The following DTNA variants were observed in gnomAD, a reference collection of about 807,000 sequenced individuals.
DTNA encodes dystrobrevin alpha, also known as dystrophin-related protein 3.
DTNA carries 43 observed loss-of-function variants against 100.7 expected under a neutral mutation model. The observed-to-expected ratio is 0.43, with a 90% CI of 0.33 to 0.55. The LOEUF (loss-of-function observed/expected upper bound fraction) is 0.55, where lower values mean the gene tolerates loss of function less well. Among genes scored for constraint, DTNA ranks in the 20% least tolerant of loss-of-function variants. DTNA has a pLI of 0.04. For missense variants in DTNA, 798 were observed against 953.9 expected (o/e 0.84, Z 2.15); for synonymous variants, 349 against 347.9 (o/e 1.00, Z -0.04).
In DTNA at chr18:34,696,285, GA is replaced by G. The variant is rs201824132; in HGVS notation, c.-1-59684del. Among the ~76,000 whole-genome samples, 11 of 152,076 alleles carry G rather than the reference GA, an allele frequency of 7.2e-5. No homozygotes were observed. The East Asian group carries it at 2.1e-3, about 29-fold the overall frequency. On this transcript the variant is annotated intron_variant, in intron 1 of 19. Transcript: ENST00000283365. ...CAAAATTAGCGTGAGTTTTTAAGGG[GA>G]AAAAAAGATAGGCCGGGCATGGTGG...
chr18:34,672,230 G>GT (rs1568181240), intron 1 of DTNA, among the ~76,000 whole-genome samples: 1 of 151,816 alleles, frequency 6.6e-6, no homozygotes, highest in Non-Finnish European at 1.5e-5. Context: ...TCTATACTTA[G>GT]TTTTAGTTTC....
intron 1 of DTNA, among the ~76,000 whole-genome samples, chr18:34,518,954 A>G (rs768299141): frequency 6.6e-6 from 1 of 152,110 alleles, no homozygotes; most frequent in African/African-American, 2.4e-5. Context: ...AGCCATTGCA[A>G]TAGCTTAATG....
chr18:34,890,598 A>C lies in DTNA; in HGVS notation c.*2864A>C. 9.1e-7 allele frequency: 1 copy of C among 1,099,550 alleles called. No homozygotes were observed. The highest frequency in any genetic ancestry group is 1.3e-6 in the Non-Finnish European group (1 of 791,514). The allele number at this position is 1,099,550 out of a possible 1,614,324, so 68.1% of individuals were successfully genotyped here. Reference sequence around the variant, plus strand: ...GGTCTAACACAGCCAACCCTCCTCCACAGCGCCATATTAATGGAGGAGGGG... The same window carrying C: ...GGTCTAACACAGCCAACCCTCCTCCCCAGCGCCATATTAATGGAGGAGGGG... On this transcript the variant is annotated 3_prime_UTR_variant, in exon 23 of 23. Coordinates refer to ENST00000444659, the MANE Select transcript of DTNA (RefSeq NM_001386795.1).
At chr18:34,669,025 G>A (rs564928061) in intron 1 of DTNA, among the ~76,000 whole-genome samples, 1 of 152,228 alleles carries the variant, frequency 6.6e-6, no homozygotes, top group African/African-American at 2.4e-5. Context: ...TGACAGTGGG[G>A]TATGAAAGTC....
chr18:34,521,789 A>G (rs889463919), intron 1 of DTNA, among the ~76,000 whole-genome samples: 2 of 152,170 alleles, frequency 1.3e-5, no homozygotes, highest in African/African-American at 4.8e-5. Context: ...TCTGCCTAGT[A>G]GAGCACCCTG....
At chr18:34,732,911 A>T (rs2088648519) in intron 1 of DTNA, among the ~76,000 whole-genome samples, 1 of 152,138 alleles carries the variant, frequency 6.6e-6, no homozygotes, top group African/African-American at 2.4e-5. Flanking sequence ...TGACCACAGG[A>T]TGAGTCCGGG....
intron 1 of DTNA, among the ~76,000 whole-genome samples, chr18:34,604,731 A>C (rs1157101577): frequency 1.3e-5 from 2 of 152,188 alleles, no homozygotes; most frequent in Non-Finnish European, 2.9e-5. Context: ...TTTAAAAAGG[A>C]CATGAGGGAA....
intron 3 of DTNA, among the ~76,000 whole-genome samples, chr18:34,785,132 C>T (rs2148877098): frequency 6.6e-6 from 1 of 152,118 alleles, no homozygotes; most frequent in East Asian, 1.9e-4. Flanking sequence ...CCAGGATGGT[C>T]TCAATCTCCT....
intron 9 of DTNA, chr18:34,821,333 C>A: frequency 2.4e-6 from 1 of 411,514 alleles, no homozygotes; most frequent in South Asian, 1.8e-5. Context: ...GTTTAAGATG[C>A]CAGCAAACCT....
intron 1 of DTNA, among the ~76,000 whole-genome samples, chr18:34,528,416 G>A (rs543187715): frequency 6.6e-4 from 101 of 152,090 alleles, no homozygotes; most frequent in African/African-American, 2.4e-3. Flanking sequence ...AACAAAACAT[G>A]GGAATTTCAG....
intron 11 of DTNA, among the ~76,000 whole-genome samples, chr18:34,833,510 C>T (rs1445789412): frequency 6.6e-6 from 1 of 151,682 alleles, no homozygotes; most frequent in Admixed American, 6.6e-5. Flanking sequence ...TGGTGAGAAG[C>T]CAGAGGATTT....
intron 1 of DTNA, among the ~76,000 whole-genome samples, chr18:34,572,928 T>C (rs1302663676): frequency 6.6e-6 from 1 of 152,202 alleles, no homozygotes; most frequent in Non-Finnish European, 1.5e-5. Context: ...CTTTCACTTA[T>C]TAATCCTGAG....
intron 1 of DTNA, among the ~76,000 whole-genome samples, chr18:34,600,326 G>T (rs1051626174): frequency 6.6e-6 from 1 of 152,166 alleles, no homozygotes; most frequent in African/African-American, 2.4e-5. Flanking sequence ...AGATGACTCA[G>T]ACACTCTGAA....
At chr18:34,632,916 C>T (rs1324068478) in intron 1 of DTNA, among the ~76,000 whole-genome samples, 1 of 152,026 alleles carries the variant, frequency 6.6e-6, no homozygotes, top group Non-Finnish European at 1.5e-5. Context: ...ACCAGATTAT[C>T]ATTCATTTTT....
intron 1 of DTNA, among the ~76,000 whole-genome samples, chr18:34,506,065 C>A (rs1427981538): frequency 6.6e-6 from 1 of 152,208 alleles, no homozygotes; most frequent in Non-Finnish European, 1.5e-5. Flanking sequence ...GAGGGGACTT[C>A]ACATTACTGT....
intron 16 of DTNA, among the ~76,000 whole-genome samples, 181 bp downstream of exon 16, chr18:34,858,579 G>T (rs1358762912): frequency 1.3e-5 from 2 of 152,158 alleles, no homozygotes; most frequent in Admixed American, 1.3e-4. Context: ...TTTATATTTT[G>T]TTCTTTCATT....
intron 1 of DTNA, among the ~76,000 whole-genome samples, chr18:34,667,650 T>C (rs1470577801): frequency 6.6e-6 from 1 of 152,228 alleles, no homozygotes; most frequent in African/African-American, 2.4e-5. Flanking sequence ...TTGAATTTTG[T>C]CAAAGGCCTT....
At chr18:34,737,156 C>T (rs1241808994) in intron 1 of DTNA, among the ~76,000 whole-genome samples, 8 of 152,066 alleles carry the variant, frequency 5.3e-5, no homozygotes, top group South Asian at 2.1e-4. Flanking sequence ...TGAAACAGAA[C>T]GGTATATTTT....
intron 1 of DTNA, among the ~76,000 whole-genome samples, chr18:34,544,733 C>T (rs1460462265): frequency 6.6e-6 from 1 of 151,060 alleles, no homozygotes; most frequent in Non-Finnish European, 1.5e-5. Flanking sequence ...GGAAGCAACT[C>T]GCAGTGTGTG....
Sources: allele counts gnomAD v4.1 joint callset (sites outside exome capture counted in the v4.1 genomes callset), GRCh38; gene constraint gnomAD v4.1.1; transcripts MANE v1.5; gene names NCBI Gene and HGNC (gene_info 2026-07-23, HGNC 2026-07-21).